The following DSCAML1 variants were observed in gnomAD, a reference collection of about 807,000 sequenced individuals.
DSCAML1 encodes the protein cell adhesion molecule DSCAML1.
A neutral mutation model predicts 200.5 loss-of-function variants in DSCAML1; 38 were observed. The ratio of observed to expected loss-of-function variants is 0.19; its 90% CI spans 0.15 to 0.25. The LOEUF is 0.25. Ranked by LOEUF, DSCAML1 falls within the 10% of genes least tolerant of loss-of-function variation. DSCAML1 has a pLI of 1.00. For synonymous variants in DSCAML1, 1,215 were observed against 1,165.0 expected, an observed-to-expected ratio of 1.04 and a Z score of -0.87; for missense variants, 2,223 against 2,858.8, an observed-to-expected ratio of 0.78 and a Z score of 5.07.
chr11:117,697,172 A>T (rs868565258), intron 3 of DSCAML1, among the ~76,000 whole-genome samples: 2 of 152,312 alleles, frequency 1.3e-5, no homozygotes, highest in African/African-American at 4.8e-5. Context: ...CAGCACTAGG[A>T]TCAAACTTAA....
intron 3 of DSCAML1, among the ~76,000 whole-genome samples, chr11:117,598,723 AG>A (rs1406919903): frequency 6.6e-6 from 1 of 152,184 alleles, no homozygotes; most frequent in Non-Finnish European, 1.5e-5. Context: ...AAAAGGGAGC[AG>A]GGAGGCAGTC....
At chr11:117,439,647 C>A (rs575253289) in intron 22 of DSCAML1, among the ~76,000 whole-genome samples, 172 bp downstream of exon 22, 177 of 152,158 alleles carry the variant, frequency 1.2e-3, no homozygotes, top group African/African-American at 3.4e-3. Flanking sequence ...AAGAGGGGAG[C>A]CAGGAGGCCA....
chr11:117,786,474 C>T (rs1163202468), intron 1 of DSCAML1, among the ~76,000 whole-genome samples: 1 of 152,196 alleles, frequency 6.6e-6, no homozygotes, highest in Non-Finnish European at 1.5e-5. Flanking sequence ...CCTAAGTATC[C>T]ATTGCATCAA....
intron 1 of DSCAML1, among the ~76,000 whole-genome samples, chr11:117,803,232 A>G (rs561953918): frequency 6.6e-6 from 1 of 152,150 alleles, no homozygotes; most frequent in Non-Finnish European, 1.5e-5. Flanking sequence ...GTTGTATCAC[A>G]GTATAACTGT....
chr11:117,788,235 C>T (rs2055396818), intron 1 of DSCAML1, among the ~76,000 whole-genome samples: 1 of 152,026 alleles, frequency 6.6e-6, no homozygotes, highest in South Asian at 2.1e-4. Flanking sequence ...CCCAATCTGG[C>T]ACACCTGCTC....
Position 117,593,711 on chromosome 11 carries a change from GTT to G in DSCAML1, c.512-61191_512-61190del, listed in dbSNP as rs374196105. Among the ~76,000 whole-genome samples the G allele has an allele frequency of 4.0e-3, 524 of 132,244 alleles. 2 individuals are homozygous for G. The highest frequency in any genetic ancestry group is 0.016 in the Middle Eastern group (4 of 248). 86.8% of individuals were successfully genotyped at this position (132,244 alleles called of 152,430 possible). A position where few individuals can be genotyped will look rare whatever the true frequency, so the allele number is the denominator to read the frequency against. ...TAGTATTGAACTCACTATATTTCTT[GTT>G]TTTTTTTTTTTTTTTTGAGATGGAG... On this transcript the variant is annotated intron_variant, in intron 3 of 32. Coordinates refer to ENST00000651296, the MANE Select transcript of DSCAML1 (RefSeq NM_020693.4).
chr11:117,439,891 C>T lies in DSCAML1; in HGVS notation c.3908G>A (p.Trp1303Ter). The change falls in exon 22 of 33, where the codon TGG (tryptophan) becomes TAG (stop). Residue 1303 changes from tryptophan to a stop codon, truncating the protein, a stop_gained. Transcript: ENST00000651296. LOFTEE classifies it high-confidence loss of function. ...ISFGGTVTTP[W>*]MKDVRLPCNS... ...GCAAGGCAGCCGAACATCTTTCATCCAAGGTGTTGTCACGGTGCCCCCAAA... is the reference window on the plus strand; with the variant it reads ...GCAAGGCAGCCGAACATCTTTCATCTAAGGTGTTGTCACGGTGCCCCCAAA... 6.2e-7 allele frequency: 1 copy of T among 1,614,190 alleles called. No homozygotes were observed. The highest frequency in any genetic ancestry group is 8.5e-7 in the Non-Finnish European group (1 of 1,180,042).
In DSCAML1 at chr11:117,470,024, T is replaced by G. The variant is rs770476620; in HGVS notation, c.2954-44A>C. The stretch of plus-strand genomic sequence containing the variant: ...AGGAGAAACATTACAAGTCAAGACT[T>G]GGAAGAGGAAGGGGTTCTATGTTCC... On this transcript the variant is annotated intron_variant, in intron 15 of 32. Transcript: ENST00000651296. 5.2e-6 allele frequency: 8 copies of G among 1,534,972 alleles called. No homozygotes were observed. The Admixed American group carries it at 1.4e-4, about 27-fold the overall frequency.
intron 1 of DSCAML1, among the ~76,000 whole-genome samples, chr11:117,812,731 T>C (rs591885): frequency 1 from 143,330 of 143,350 alleles, 71,655 homozygotes; most frequent in Non-Finnish European, 1. Flanking sequence ...CACGTGCTCT[T>C]CCTGCTGATC....
intron 3 of DSCAML1, among the ~76,000 whole-genome samples, chr11:117,547,379 T>TTC (rs1851182727): frequency 6.6e-6 from 1 of 152,204 alleles, no homozygotes; most frequent in Admixed American, 6.5e-5. Flanking sequence ...AAGGGGACCC[T>TTC]TGTGTGCCTG....
At chr11:117,476,316 T>C (rs531513890) in intron 14 of DSCAML1, among the ~76,000 whole-genome samples, 2 of 152,296 alleles carry the variant, frequency 1.3e-5, no homozygotes, top group East Asian at 3.9e-4. Context: ...TCTGGAGCGT[T>C]TAGCTGCCTG....
At chr11:117,494,809 G>A (rs2137255217) in intron 11 of DSCAML1, among the ~76,000 whole-genome samples, 1 of 152,312 alleles carries the variant, frequency 6.6e-6, no homozygotes, top group Middle Eastern at 3.4e-3. Context: ...CACAGGAAGA[G>A]AAGGCCATGT....
At chr11:117,727,921 G>A (rs1208885729) in intron 3 of DSCAML1, among the ~76,000 whole-genome samples, 2 of 152,218 alleles carry the variant, frequency 1.3e-5, no homozygotes, top group Non-Finnish European at 2.9e-5. Context: ...ATATGGGAAA[G>A]ATGGAGCCAA....
rs1410477343 is a variant in DSCAML1 at position 117,431,527 on chromosome 11, G to A, written c.5374+7C>T. On this transcript the variant is annotated splice_region_variant and intron_variant, in intron 31 of 32. Transcript: ENST00000651296. Reference sequence around the variant, plus strand: ...TGTTCAGGATGCCAGCAGGGCCTTAGGCACACCTGTGTCCTGGGACAGGCT... The same window carrying A: ...TGTTCAGGATGCCAGCAGGGCCTTAAGCACACCTGTGTCCTGGGACAGGCT... 3.2e-6 allele frequency: 5 copies of A among 1,555,438 alleles called. No individual in the cohort carries two copies. In the African/African-American group the frequency reaches 6.8e-5, roughly 21 times the overall value.
intron 3 of DSCAML1, among the ~76,000 whole-genome samples, chr11:117,648,013 G>A (rs543879963): frequency 1.7e-3 from 262 of 152,360 alleles, no homozygotes; most frequent in Non-Finnish European, 3.0e-3. Context: ...ACCCAGCTCA[G>A]AAGCAGCCCT....
At chr11:117,704,158 C>T (rs1338101629) in intron 3 of DSCAML1, among the ~76,000 whole-genome samples, 1 of 130,384 alleles carries the variant, frequency 7.7e-6, no homozygotes, top group Admixed American at 8.6e-5. Context: ...GGAGGAAGGG[C>T]GGGAAGGAAG....
At chr11:117,446,548 A>G (rs1268811001) in intron 20 of DSCAML1, among the ~76,000 whole-genome samples, 3 of 151,948 alleles carry the variant, frequency 2.0e-5, no homozygotes, top group Non-Finnish European at 4.4e-5. Flanking sequence ...TAAATTGACA[A>G]TTACCCAAAG....
chr11:117,788,141 T>C (rs2055395010), intron 1 of DSCAML1, among the ~76,000 whole-genome samples: 1 of 152,174 alleles, frequency 6.6e-6, no homozygotes, highest in Non-Finnish European at 1.5e-5. Context: ...CATCAGAGCA[T>C]GTACCAGGCA....
At chr11:117,756,180 C>T (rs2054688449) in intron 3 of DSCAML1, among the ~76,000 whole-genome samples, 5 of 152,154 alleles carry the variant, frequency 3.3e-5, no homozygotes, top group Admixed American at 2.0e-4. Context: ...GCCTGGCAGC[C>T]CCAGTTCAGA....
Sources: gnomAD v4.1 joint callset for allele counts (sites outside exome capture counted in the v4.1 genomes callset) on GRCh38, gnomAD v4.1.1 for gene constraint, MANE v1.5 for transcripts, NCBI Gene and HGNC (gene_info 2026-07-23, HGNC 2026-07-21) for gene names.